The following SLC2A4 variants were observed in gnomAD, a reference collection of about 807,000 sequenced individuals.
SLC2A4 encodes solute carrier family 2 member 4.
In SLC2A4, 31 loss-of-function variants were observed where a neutral mutation model predicts 53.3. The ratio of observed to expected loss-of-function variants is 0.58; its 90% CI spans 0.44 to 0.78. The LOEUF (loss-of-function observed/expected upper bound fraction) is 0.78. SLC2A4 is among the 30% of genes least tolerant of loss of function. SLC2A4 has a pLI of 0.00. For synonymous variants in SLC2A4, 276 were observed against 281.9 expected, an observed-to-expected ratio of 0.98 and a Z score of 0.21; for missense variants, 538 against 655.7, an observed-to-expected ratio of 0.82 and a Z score of 1.96.
chr17:7,283,171 G>A lies in SLC2A4; in HGVS notation c.34-74G>A, dbSNP rs2072416431. On this transcript the variant is annotated intron_variant, in intron 1 of 10. Coordinates refer to ENST00000317370, the MANE Select transcript of SLC2A4 (RefSeq NM_001042.3). This position sits in a 1 kb window ranked among gnomAD's most constrained non-coding sequence, Gnocchi z 5.8. ...CCCAGTATCTTCAGGCTCCAGCTGG[G>A]CCCGGGCCCCTAGCGGAAGGAAAAA... 57 of 1,227,036 alleles carry A rather than the reference G, an allele frequency of 4.6e-5. 2 individuals carry two copies. The South Asian group carries it at 6.7e-4, about 14-fold the overall frequency. 76.0% of individuals were successfully genotyped at this position (1,227,036 alleles called of 1,614,324 possible). A position where few individuals can be genotyped will look rare whatever the true frequency, so the allele number is the denominator to read the frequency against.
chr17:7,282,166 G>A lies in SLC2A4; in HGVS notation c.33+199G>A. 6.3e-6 allele frequency: 4 copies of A among 636,934 alleles called. No homozygotes were observed. In the South Asian group the frequency reaches 7.0e-5, roughly 11 times the overall value. 39.5% of individuals were successfully genotyped at this position (636,934 alleles called of 1,614,324 possible). ...TACCAAAAGGCAGAGTGGGTCTGGA[G>A]GGCCTTTCGGGGCACAGGCAGCAAG... On this transcript the variant is annotated intron_variant, in intron 1 of 10. Transcript: ENST00000317370. This position sits in a 1 kb window ranked among gnomAD's most constrained non-coding sequence, Gnocchi z 4.1.
At position 7,287,025 on chromosome 17, in the gene SLC2A4, G is replaced by A. The variant is rs544121500; in HGVS notation, c.*396G>A. 4.1e-6 allele frequency: 1 copy of A among 241,472 alleles called. No individual in the cohort carries two copies. Among genetic ancestry groups the A allele is most frequent in the South Asian group, 5.9e-5 (1 of 17,044 alleles). The allele number at this position is 241,472 out of a possible 1,614,324, so 15.0% of individuals were successfully genotyped here. On this transcript the variant is annotated 3_prime_UTR_variant, in exon 11 of 11. Coordinates refer to ENST00000317370, the MANE Select transcript of SLC2A4 (RefSeq NM_001042.3). ...AACCAGAGCAGAGAGCAGGACAGGA[G>A]ACAAGAAATCCAGTTTCCCACCACC...
rs1259133139 is a variant in SLC2A4, at chr17:7,283,327, G to A, written c.116G>A (p.Gly39Glu). The A allele has an allele frequency of 6.2e-7, 1 of 1,614,018 alleles. No homozygotes were observed. The highest frequency in any genetic ancestry group is 8.5e-7 in the Non-Finnish European group (1 of 1,180,004). ...FSAVLGSLQFGYNIGVINAPQ... is the reference protein window; with the variant it reads ...FSAVLGSLQFEYNIGVINAPQ... Reference sequence around the variant, plus strand: ...GCGGTGCTTGGCTCCCTGCAGTTTGGGTACAACATTGGGGTCATCAATGCC... The same window carrying A: ...GCGGTGCTTGGCTCCCTGCAGTTTGAGTACAACATTGGGGTCATCAATGCC... The change falls in exon 2 of 11, where the codon GGG (glycine) becomes GAG (glutamate). Residue 39 changes from glycine (G) to glutamate (E), a missense_variant. By Grantham distance (98) the Gly-to-Glu change is moderately conservative. Coordinates refer to ENST00000317370, the MANE Select transcript of SLC2A4 (RefSeq NM_001042.3). The surrounding 1 kb of genome is among the most constrained non-coding windows in gnomAD (Gnocchi z 5.8).
In SLC2A4 at chr17:7,284,550, C is replaced by T. The variant is rs756370990; in HGVS notation, c.793C>T (p.Arg265Trp). ...GVLAELKDEK[R>W]KLERERPLSL... ...GCTGGCTGAGCTGAAGGATGAGAAG[C>T]GGAAGCTGGAGCGTGAGCGGCCACT... Residue 265 changes from arginine to tryptophan, a missense_variant, in exon 7 of 11, where the codon CGG (arginine) becomes TGG (tryptophan). Transcript: ENST00000317370. This position sits in a 1 kb window ranked among gnomAD's most constrained non-coding sequence, Gnocchi z 7.5. The T allele has an allele frequency of 3.1e-6, 5 of 1,614,098 alleles. No individual in the cohort carries two copies. The highest frequency in any genetic ancestry group is 2.2e-5 in the South Asian group (2 of 91,094).
chr17:7,286,830 A>G lies in SLC2A4; in HGVS notation c.*201A>G. On this transcript the variant is annotated 3_prime_UTR_variant, in exon 11 of 11. Transcript: ENST00000317370. ...CTCGTGTGACTCTCTTGGATTATTT[A>G]TGTGTTGTGGTTTGGCCGTGGCCAT... The G allele has an allele frequency of 1.7e-6, 1 of 590,434 alleles. No homozygotes were observed. Among genetic ancestry groups the G allele is most frequent in the Admixed American group, 2.8e-5 (1 of 35,730 alleles). 36.6% of individuals were successfully genotyped at this position (590,434 alleles called of 1,614,324 possible).
In SLC2A4 at chr17:7,283,379, G is replaced by A; in HGVS notation, c.150+18G>A. The A allele has an allele frequency of 1.2e-6, 2 of 1,612,292 alleles. No homozygotes were observed. The highest frequency in any genetic ancestry group is 1.7e-6 in the Non-Finnish European group (2 of 1,178,566). ...CTCAGAAGGTGAGGGCCTGCAGCTGGCAGGGTGGGGGTACCCAAACGAGGA... is the reference window on the plus strand; with the variant it reads ...CTCAGAAGGTGAGGGCCTGCAGCTGACAGGGTGGGGGTACCCAAACGAGGA... On this transcript the variant is annotated intron_variant, in intron 2 of 10. Transcript: ENST00000317370. The surrounding 1 kb of genome is among the most constrained non-coding windows in gnomAD (Gnocchi z 5.8).
At position 7,285,432 on chromosome 17, in the gene SLC2A4, T is replaced by C. The variant is rs1004795067; in HGVS notation, c.1122+243T>C. On this transcript the variant is annotated intron_variant, in intron 9 of 10. Coordinates refer to ENST00000317370, the MANE Select transcript of SLC2A4 (RefSeq NM_001042.3). This position sits in a 1 kb window ranked among gnomAD's most constrained non-coding sequence, Gnocchi z 6.0. ...TGGCAGCCAGGAGGGAGAGCCCCTG[T>C]CAAGCCTCAGGAACAATCATTCCTA... Among the ~76,000 whole-genome samples the C allele has an allele frequency of 3.9e-5, 6 of 152,102 alleles. No individual in the cohort carries two copies. Among genetic ancestry groups the C allele is most frequent in the Non-Finnish European group, 8.8e-5 (6 of 68,008 alleles).
In SLC2A4 at chr17:7,287,119, T is replaced by G. The variant is rs70937029; in HGVS notation, c.*490T>G. The G allele has an allele frequency of 5.6e-3, 629 of 111,662 alleles. 21 individuals are homozygous for G. The highest frequency in any genetic ancestry group is 0.017 in the African/African-American group (492 of 29,080). The allele number at this position is 111,662 out of a possible 1,614,324, so 6.9% of individuals were successfully genotyped here. ...ACGCAGACTCTGGGCAAAGGGGTTT[T>G]TTTTTTTTTTTTTTTTTTTTTTTTT... On this transcript the variant is annotated 3_prime_UTR_variant, in exon 11 of 11. Transcript: ENST00000317370.
At chr17:7,286,100 T>G in intron 10 of SLC2A4, 192 bp downstream of exon 10, 1 of 621,202 alleles carries the variant, frequency 1.6e-6, no homozygotes, top group Non-Finnish European at 2.8e-6. Context: ...AACTGAGGTG[T>G]CTGAAACGCA....
rs1309047987 is a variant in SLC2A4, at chr17:7,286,604, A to G, written c.1505A>G (p.Tyr502Cys). The G allele has an allele frequency of 2.5e-6, 4 of 1,614,006 alleles. No homozygotes were observed. Among genetic ancestry groups the G allele is most frequent in the Non-Finnish European group, 3.4e-6 (4 of 1,180,002 alleles). Residue 502 changes from tyrosine to cysteine, a missense_variant, in exon 11 of 11, where the codon TAT (tyrosine) becomes TGT (cysteine). Transcript: ENST00000317370. ...GTGAAACCCAGCACAGAACTTGAGT[A>G]TTTAGGGCCAGATGAGAACGACTGA... ...QEVKPSTELEYLGPDEND is the reference protein window; with the variant it reads ...QEVKPSTELECLGPDEND
In SLC2A4 at chr17:7,284,741, C is replaced by A; in HGVS notation, c.915+69C>A. 6.2e-7 allele frequency: 1 copy of A among 1,608,668 alleles called. No homozygotes were observed. Among genetic ancestry groups the A allele is most frequent in the Non-Finnish European group, 8.5e-7 (1 of 1,175,096 alleles). On this transcript the variant is annotated intron_variant, in intron 7 of 10. Transcript: ENST00000317370. The surrounding 1 kb of genome is among the most constrained non-coding windows in gnomAD (Gnocchi z 7.5). ...GTAGACGAGAGTGGGGAGCAAACCCCCTCCACCAACACCCAGGGTAGGGCC... is the reference window on the plus strand; with the variant it reads ...GTAGACGAGAGTGGGGAGCAAACCCACTCCACCAACACCCAGGGTAGGGCC...
In SLC2A4 at chr17:7,286,428, G is replaced by C; in HGVS notation, c.1329G>C (p.Glu443Asp). 1 of 1,613,948 alleles carries C rather than the reference G, an allele frequency of 6.2e-7. No individual in the cohort carries two copies. Among genetic ancestry groups the C allele is most frequent in the Non-Finnish European group, 8.5e-7 (1 of 1,179,914 alleles). Residue 443 changes from glutamate to aspartate, a missense_variant and splice_region_variant, in exon 11 of 11, where the codon GAG (glutamate) becomes GAC (aspartate). Transcript: ENST00000317370. ...IIGMGFQYVAEAMGPYVFLLF... is the reference protein window; with the variant it reads ...IIGMGFQYVADAMGPYVFLLF... ...ACCTCTTTCTCCACCTGTCCCAGGA[G>C]GCTATGGGGCCCTACGTCTTCCTTC... is the stretch of plus-strand genomic sequence containing the variant.
intron 10 of SLC2A4, 164 bp from the exon 11 acceptor site, chr17:7,286,262 A>C: frequency 1.3e-6 from 1 of 750,576 alleles, no homozygotes; most frequent in Non-Finnish European, 2.4e-6. Flanking sequence ...TCCTCTTTTC[A>C]GTGTAAATTC....
Position 7,284,034 on chromosome 17 carries a change from G to T in SLC2A4, c.509G>T (p.Gly170Val), listed in dbSNP as rs140466829. 2.5e-6 allele frequency: 4 copies of T among 1,613,860 alleles called. No individual in the cohort carries two copies. The highest frequency in any genetic ancestry group is 3.3e-5 in the Admixed American group (2 of 59,972). The change falls in exon 5 of 11, where the codon GGC (glycine) becomes GTC (valine). Residue 170 changes from glycine (G) to valine (V), a missense_variant. Gly to Val is a moderately radical substitution (Grantham distance 109). Coordinates refer to ENST00000317370, the MANE Select transcript of SLC2A4 (RefSeq NM_001042.3). The surrounding 1 kb of genome is among the most constrained non-coding windows in gnomAD (Gnocchi z 7.5). ...VGEIAPTHLR[G>V]ALGTLNQLAI... ...GAGATTGCTCCCACTCACCTGCGGGGCGCCCTGGGGACGCTCAACCAACTG... is the reference window on the plus strand; with the variant it reads ...GAGATTGCTCCCACTCACCTGCGGGTCGCCCTGGGGACGCTCAACCAACTG...
In SLC2A4 at chr17:7,284,402, G is replaced by GGCCCA; in HGVS notation, c.727+25_727+29dup. ...AGAGTAAGCTCTCCCGCTGCAGCCT[G>GGCCCA]GCCCAGGCCCATGCCTCCGCCTCAT... is the stretch of plus-strand genomic sequence containing the variant. On this transcript the variant is annotated intron_variant, in intron 6 of 10. Coordinates refer to ENST00000317370, the MANE Select transcript of SLC2A4 (RefSeq NM_001042.3). The surrounding 1 kb of genome is among the most constrained non-coding windows in gnomAD (Gnocchi z 7.5). 2 of 1,614,132 alleles carry GGCCCA rather than the reference G, an allele frequency of 1.2e-6. No individual in the cohort carries two copies. Among genetic ancestry groups the GGCCCA allele is most frequent in the South Asian group, 2.2e-5 (2 of 91,078 alleles).
chr17:7,286,495 T>C lies in SLC2A4; in HGVS notation c.1396T>C (p.Leu466=). ...LLLGFFIFTF[L]RVPETRGRTF... ...GCTGGGCTTCTTCATCTTCACCTTC[T>C]TAAGAGTACCTGAAACTCGAGGCCG... The change falls in exon 11 of 11, where the codon TTA becomes CTA. Residue 466 remains leucine (L), a synonymous_variant. Coordinates refer to ENST00000317370, the MANE Select transcript of SLC2A4 (RefSeq NM_001042.3). The C allele has an allele frequency of 6.2e-7, 1 of 1,614,188 alleles. No individual in the cohort carries two copies. The highest frequency in any genetic ancestry group is 1.1e-5 in the South Asian group (1 of 91,086).
Position 7,284,096 on chromosome 17 carries a change from G to A in SLC2A4, c.564+7G>A, listed in dbSNP as rs67093270. 0.021 allele frequency: 33,407 copies of A among 1,612,598 alleles called. 475 individuals carry two copies. Among genetic ancestry groups the A allele is most frequent in the Non-Finnish European group, 0.025 (29,701 of 1,179,060 alleles). On this transcript the variant is annotated splice_region_variant and intron_variant, in intron 5 of 10. Coordinates refer to ENST00000317370, the MANE Select transcript of SLC2A4 (RefSeq NM_001042.3). This position sits in a 1 kb window ranked among gnomAD's most constrained non-coding sequence, Gnocchi z 7.5. ...CGGCATTCTGATCGCCCAGGTGACC[G>A]GAGCAAGCCTCATGGGTGCCTGGGC...
chr17:7,284,245 C>CT lies in SLC2A4; in HGVS notation c.594dup (p.Ala199CysfsTer61). ...CTGGGCTTGGAGTCCCTCCTGGGCACTGCCAGCCTGTGGCCACTGCTCCTG... is the reference window on the plus strand; with the variant it reads ...CTGGGCTTGGAGTCCCTCCTGGGCACTTGCCAGCCTGTGGCCACTGCTCCTG... On this transcript the variant is annotated frameshift_variant, in exon 6 of 11. Coordinates refer to ENST00000317370, the MANE Select transcript of SLC2A4 (RefSeq NM_001042.3). LOFTEE classifies it high-confidence loss of function. The surrounding 1 kb of genome is among the most constrained non-coding windows in gnomAD (Gnocchi z 7.5). 1 of 1,613,486 alleles carries CT rather than the reference C, an allele frequency of 6.2e-7. No individual in the cohort carries two copies. The highest frequency in any genetic ancestry group is 8.5e-7 in the Non-Finnish European group (1 of 1,180,030).
rs562894482 is a variant in SLC2A4 at position 7,283,245 on chromosome 17, G to A, written c.34G>A (p.Asp12Asn). Residue 12 changes from aspartate to asparagine, a missense_variant and splice_region_variant, in exon 2 of 11, where the codon GAT becomes AAT. Physicochemically the swap from Asp to Asn is conservative, Grantham distance 23. Transcript: ENST00000317370. This position sits in a 1 kb window ranked among gnomAD's most constrained non-coding sequence, Gnocchi z 5.8. ...TGTGTCTTTGTGTCTGCCTGTTCAG[G>A]ATGGGGAACCCCCTCAGCAGCGAGT... Reference protein sequence around the residue: ...PSGFQQIGSEDGEPPQQRVTG... With the variant: ...PSGFQQIGSENGEPPQQRVTG... 9.3e-6 allele frequency: 15 copies of A among 1,613,086 alleles called. No individual in the cohort carries two copies. Among genetic ancestry groups the A allele is most frequent in the East Asian group, 2.2e-5 (1 of 44,870 alleles).
Sources: allele counts gnomAD v4.1 joint callset (sites outside exome capture counted in the v4.1 genomes callset), GRCh38; gene constraint gnomAD v4.1.1; non-coding constraint Gnocchi (gnomAD v3.1); transcripts MANE v1.5; gene names NCBI Gene and HGNC (gene_info 2026-07-23, HGNC 2026-07-21).